AOAH: variants seen among roughly 807,000 people sequenced by gnomAD.
AOAH encodes acyloxyacyl hydrolase (neutrophil).
Under a neutral mutation model 92.2 loss-of-function variants are expected in AOAH, and 64 were observed. The ratio of observed to expected loss-of-function variants is 0.69; its 90% CI spans 0.57 to 0.86. AOAH has a LOEUF of 0.86. Among genes scored for constraint, AOAH ranks in the 40% least tolerant of loss-of-function variants. The pLI is 0.00. For synonymous variants in AOAH, 263 were observed against 254.5 expected (o/e 1.03, Z -0.32); for missense variants, 656 against 694.6 (o/e 0.94, Z 0.62).
At chr7:36,543,146 C>T (rs1785534821) in intron 15 of AOAH, among the ~76,000 whole-genome samples, 1 of 152,074 alleles carries the variant, frequency 6.6e-6, no homozygotes, top group Non-Finnish European at 1.5e-5. Flanking sequence ...TCATGTTTTC[C>T]ATTGTCATGA....
At chr7:36,693,795 T>C (rs55827339) in intron 1 of AOAH, among the ~76,000 whole-genome samples, 22,562 of 152,182 alleles carry the variant, frequency 0.15, 2,084 homozygotes, top group South Asian at 0.24. Context: ...CCTATGTCTG[T>C]TGAGAAATAC....
chr7:36,589,849 T>G (rs1789620741), intron 12 of AOAH, among the ~76,000 whole-genome samples: 1 of 152,242 alleles, frequency 6.6e-6, no homozygotes, highest in African/African-American at 2.4e-5. Context: ...ATCTTTGGTT[T>G]CTTTAATGTA....
intron 1 of AOAH, among the ~76,000 whole-genome samples, chr7:36,711,040 A>G (rs191105344): frequency 5.3e-5 from 8 of 152,306 alleles, no homozygotes; most frequent in Non-Finnish European, 1.0e-4. Context: ...CAAATCTGAG[A>G]GCCCCACACT....
rs77375962 is a variant in AOAH at position 36,631,353 on chromosome 7, A to G, written c.521+683T>C. Among the ~76,000 whole-genome samples, 22 of 133,664 alleles carry G rather than the reference A, an allele frequency of 1.6e-4. No homozygotes were observed. In the South Asian group the frequency reaches 3.4e-3, roughly 21 times the overall value. The allele number at this position is 133,664 out of a possible 152,430, so 87.7% of individuals were successfully genotyped here. On this transcript the variant is annotated intron_variant, in intron 6 of 20. Transcript: ENST00000617537. The stretch of plus-strand genomic sequence containing the variant: ...CAAGAGCGACACTCCATCATCTCAA[A>G]AAAAAAAAAAAAGAAGTAGCTTAGT...
chr7:36,697,699 T>C (rs1207861039), intron 1 of AOAH, among the ~76,000 whole-genome samples: 2 of 152,200 alleles, frequency 1.3e-5, no homozygotes, highest in Non-Finnish European at 2.9e-5. Context: ...ATTCATGCCC[T>C]TCCTGGGACT....
At chr7:36,582,918 C>T (rs958235192) in intron 12 of AOAH, among the ~76,000 whole-genome samples, 11 of 151,712 alleles carry the variant, frequency 7.3e-5, no homozygotes, top group African/African-American at 2.2e-4. Flanking sequence ...GATCTCGGCT[C>T]ACTGCAACCT....
chr7:36,527,807 A>C (rs1784481854), intron 19 of AOAH, among the ~76,000 whole-genome samples: 1 of 152,142 alleles, frequency 6.6e-6, no homozygotes, highest in South Asian at 2.1e-4. Flanking sequence ...CACACATCGT[A>C]CCCACATGGG....
chr7:36,514,600 A>G (rs1562850152), intron 20 of AOAH: 2 of 1,531,442 alleles, frequency 1.3e-6, no homozygotes, highest in East Asian at 2.4e-5. Flanking sequence ...TCTGCAAACA[A>G]TGCCCTCATT....
intron 20 of AOAH, chr7:36,514,745 A>G: frequency 1.6e-6 from 1 of 615,180 alleles, no homozygotes; most frequent in South Asian, 1.9e-5. Context: ...AAGGATGCTC[A>G]GGGATATCCC....
At chr7:36,575,011 A>ATT (rs10652764) in intron 13 of AOAH, among the ~76,000 whole-genome samples, 61,226 of 149,980 alleles carry the variant, frequency 0.41, 13,037 homozygotes, top group Non-Finnish European at 0.49. Context: ...CTCACAGATG[A>ATT]TTTTTTTTTT....
At chr7:36,599,196 C>T (rs1418596284) in intron 11 of AOAH, among the ~76,000 whole-genome samples, 4 of 152,096 alleles carry the variant, frequency 2.6e-5, no homozygotes, top group African/African-American at 4.8e-5. Flanking sequence ...TTCCATGCAT[C>T]GAGAAAGCCC....
chr7:36,557,285 TTTTC>T (rs1246179101), intron 13 of AOAH, among the ~76,000 whole-genome samples: 1 of 152,228 alleles, frequency 6.6e-6, no homozygotes, highest in Non-Finnish European at 1.5e-5. Flanking sequence ...TTGAAAATTC[TTTTC>T]TTTAAGAATG....
intron 3 of AOAH, among the ~76,000 whole-genome samples, chr7:36,669,396 T>TA (rs1554311156): frequency 4.4e-4 from 63 of 144,622 alleles, no homozygotes; most frequent in African/African-American, 1.6e-3. Flanking sequence ...TTTTTTTTTT[T>TA]AATTTAAATG....
chr7:36,623,190 T>C lies in AOAH; in HGVS notation c.582A>G (p.Pro194=), dbSNP rs758072694. Residue 194 remains proline (P), a splice_region_variant and synonymous_variant, in exon 7 of 21, where the codon CCA becomes CCG. Coordinates refer to ENST00000617537, the MANE Select transcript of AOAH (RefSeq NM_001637.4). ...TCTGGTTATTCCTAACAATACTTACTGGGAAAACGCTGTATTTGTCTGAAT... is the reference window on the plus strand; with the variant it reads ...TCTGGTTATTCCTAACAATACTTACCGGGAAAACGCTGTATTTGTCTGAAT... ...DVDSDKYSVF[P]TLRGYHWRGR... 3.7e-6 allele frequency: 6 copies of C among 1,613,490 alleles called. No individual in the cohort carries two copies. In the South Asian group the frequency reaches 4.4e-5, roughly 12 times the overall value.
At chr7:36,649,180 T>A (rs1225548093) in intron 4 of AOAH, among the ~76,000 whole-genome samples, 2 of 152,242 alleles carry the variant, frequency 1.3e-5, no homozygotes, top group Non-Finnish European at 2.9e-5. Flanking sequence ...GGATCTGTGC[T>A]CTTCGACATC....
intron 8 of AOAH, among the ~76,000 whole-genome samples, chr7:36,621,504 G>A (rs1158758828): frequency 6.6e-6 from 1 of 152,170 alleles, no homozygotes. Context: ...CAAAGTACTT[G>A]GCAAATTGTA....
At chr7:36,609,161 T>C (rs564096494) in intron 11 of AOAH, among the ~76,000 whole-genome samples, 1 of 152,144 alleles carries the variant, frequency 6.6e-6, no homozygotes, top group East Asian at 1.9e-4. Context: ...ATGGGAAGGG[T>C]GCATCGTCCA....
intron 9 of AOAH, among the ~76,000 whole-genome samples, chr7:36,619,875 A>C (rs372238174): frequency 2.8e-4 from 42 of 152,318 alleles, no homozygotes; most frequent in African/African-American, 9.4e-4. Flanking sequence ...TTTGCCGTTA[A>C]TTACAAAAAC....
rs1372660105 is a variant in AOAH at position 36,614,722 on chromosome 7, T to G, written c.846+1658A>C. Among the ~76,000 whole-genome samples, 1 of 152,196 alleles carries G rather than the reference T, an allele frequency of 6.6e-6. No homozygotes were observed. Among genetic ancestry groups the G allele is most frequent in the Non-Finnish European group, 1.5e-5 (1 of 68,022 alleles). ...GCACAGGCAAGAGGAAGATTGGGGT[T>G]GGGCATGGTGGCAGCTGTCACCTGC... On this transcript the variant is annotated intron_variant, in intron 11 of 20. Coordinates refer to ENST00000617537, the MANE Select transcript of AOAH (RefSeq NM_001637.4). The surrounding 1 kb of genome is among the most constrained non-coding windows in gnomAD (Gnocchi z 4.2).
Sources: gnomAD v4.1 joint callset for allele counts (sites outside exome capture counted in the v4.1 genomes callset) on GRCh38, gnomAD v4.1.1 for gene constraint, Gnocchi (gnomAD v3.1) non-coding constraint, MANE v1.5 for transcripts, NCBI Gene and HGNC (gene_info 2026-07-23, HGNC 2026-07-21) for gene names.